The following PKIB variants were observed in gnomAD, a reference collection of about 807,000 sequenced individuals.
The protein encoded by PKIB is PKI-beta.
In PKIB, 2 loss-of-function variants were observed where a neutral mutation model predicts 4.5. That is an observed-to-expected ratio of 0.44 (90% CI 0.18 to 1.39). PKIB has a LOEUF of 1.39. Among genes scored for constraint, PKIB ranks in the 40% most tolerant of loss-of-function variants. PKIB has a pLI of 0.27. For synonymous variants in PKIB, 38 were observed against 36.0 expected (o/e 1.06, Z -0.20); for missense variants, 94 against 92.6 (o/e 1.02, Z -0.06).
chr6:122,627,279 A>G (rs903871132), intron 1 of PKIB, among the ~76,000 whole-genome samples: 2 of 151,812 alleles, frequency 1.3e-5, no homozygotes, highest in Non-Finnish European at 2.9e-5. Context: ...ATCTCACCAA[A>G]TTTTAACTCC....
At chr6:122,620,326 CGT>C (rs919058377) in intron 1 of PKIB, among the ~76,000 whole-genome samples, 4 of 152,086 alleles carry the variant, frequency 2.6e-5, no homozygotes, top group Non-Finnish European at 5.9e-5. Context: ...ACCATGTGGT[CGT>C]GTGTGTTTTT....
At chr6:122,621,104 A>G (rs189723340) in intron 1 of PKIB, among the ~76,000 whole-genome samples, 39 of 152,266 alleles carry the variant, frequency 2.6e-4, no homozygotes, top group Non-Finnish European at 4.4e-4. Context: ...TTACCCTACA[A>G]TGACTCATCA....
chr6:122,603,586 C>G (rs975778173), intron 3 of PKIB, among the ~76,000 whole-genome samples: 7 of 152,164 alleles, frequency 4.6e-5, no homozygotes, highest in African/African-American at 9.7e-5. Flanking sequence ...TCAAGCGATT[C>G]TCCTGCCTCA....
intron 2 of PKIB, among the ~76,000 whole-genome samples, chr6:122,500,917 A>G (rs1217607268): frequency 6.6e-6 from 1 of 152,164 alleles, no homozygotes; most frequent in Non-Finnish European, 1.5e-5. Context: ...AGCACTACAT[A>G]CTTTTAAACA....
intron 2 of PKIB, among the ~76,000 whole-genome samples, chr6:122,531,597 G>C (rs1777261852): frequency 6.6e-6 from 1 of 152,018 alleles, no homozygotes; most frequent in Non-Finnish European, 1.5e-5. Context: ...TTCCTATGCT[G>C]CCTTCTCCTG....
At chr6:122,495,003 CA>C (rs1019501842) in intron 2 of PKIB, among the ~76,000 whole-genome samples, 4 of 152,184 alleles carry the variant, frequency 2.6e-5, no homozygotes, top group African/African-American at 7.2e-5. Flanking sequence ...CCCTTGGTGT[CA>C]ACAGTTATAG....
In PKIB at chr6:122,662,096, T is replaced by C. The variant is rs553105235; in HGVS notation, c.-75-12982T>C. 1.7e-4 allele frequency among the ~76,000 whole-genome samples: 26 copies of C among 152,198 alleles called. No individual in the cohort carries two copies. In the South Asian group the frequency reaches 5.4e-3, roughly 32 times the overall value. ...GTTCTATATATACTTAACTTACAAA[T>C]CTCTTATCAGACATATGATTGGCAA... On this transcript the variant is annotated intron_variant, in intron 2 of 4. Coordinates refer to ENST00000368452, the MANE Select transcript of PKIB (RefSeq NM_181795.3).
intron 1 of PKIB, among the ~76,000 whole-genome samples, chr6:122,629,922 T>A (rs1219727649): frequency 6.6e-6 from 1 of 152,152 alleles, no homozygotes; most frequent in East Asian, 1.9e-4. Context: ...TGAAATACCG[T>A]AAGGGCGTCA....
intron 3 of PKIB, among the ~76,000 whole-genome samples, chr6:122,698,918 G>A (rs1350451707): frequency 6.6e-6 from 1 of 152,134 alleles, no homozygotes; most frequent in African/African-American, 2.4e-5. Context: ...TAACTTTCAG[G>A]AATTTAACAG....
chr6:122,600,770 G>A (rs1260841750), intron 3 of PKIB, among the ~76,000 whole-genome samples: 7 of 151,864 alleles, frequency 4.6e-5, no homozygotes, highest in Non-Finnish European at 1.0e-4. Flanking sequence ...CATGATGTCT[G>A]GAATCTAATA....
intron 1 of PKIB, among the ~76,000 whole-genome samples, chr6:122,611,842 A>AGT (rs961520996): frequency 6.6e-6 from 1 of 152,212 alleles, no homozygotes; most frequent in Admixed American, 6.5e-5. Context: ...GTTTCCTGTT[A>AGT]GTGTGCCGGG....
intron 2 of PKIB, among the ~76,000 whole-genome samples, chr6:122,585,731 T>C (rs998853609): frequency 1.3e-5 from 2 of 152,154 alleles, no homozygotes; most frequent in Admixed American, 6.6e-5. Context: ...GTTCTTTCCA[T>C]GCCACTATCC....
rs117767725 is a variant in PKIB at position 122,508,724 on chromosome 6, A to C, written c.-248+30785A>C. On this transcript the variant is annotated intron_variant, in intron 2 of 6. Coordinates refer to the PKIB transcript ENST00000392491. ...TGAGTAGCTTGTACAACATAAGTTG[A>C]ATTTGAAACAATATTAACTGGCTGA... 1.0e-3 allele frequency among the ~76,000 whole-genome samples: 154 copies of C among 152,224 alleles called. 4 individuals carry two copies. The East Asian group carries it at 0.027, about 27-fold the overall frequency.
chr6:122,555,009 A>G (rs377442076), intron 2 of PKIB, among the ~76,000 whole-genome samples: 1 of 152,170 alleles, frequency 6.6e-6, no homozygotes, highest in East Asian at 1.9e-4. Context: ...ACATTCATCA[A>G]TTTATTTCTA....
chr6:122,639,260 A>T (rs1776038967), intron 2 of PKIB, among the ~76,000 whole-genome samples: 1 of 152,254 alleles, frequency 6.6e-6, no homozygotes, highest in Non-Finnish European at 1.5e-5. Flanking sequence ...AAACAAAACA[A>T]AACAACCAAC....
At chr6:122,698,580 G>A (rs961306260) in intron 3 of PKIB, among the ~76,000 whole-genome samples, 1 of 152,138 alleles carries the variant, frequency 6.6e-6, no homozygotes, top group Non-Finnish European at 1.5e-5. Context: ...AAGCCCATGA[G>A]CAACTTATGA....
chr6:122,585,187 A>G (rs6905452), intron 2 of PKIB, among the ~76,000 whole-genome samples: 93,367 of 151,902 alleles, frequency 0.61, 29,227 homozygotes, highest in East Asian at 0.68. Context: ...ATAAAAGTTG[A>G]TGTCTAACAC....
chr6:122,606,152 A>G (rs1190424412), upstream of PKIB, among the ~76,000 whole-genome samples: 1 of 152,244 alleles, frequency 6.6e-6, no homozygotes, highest in East Asian at 1.9e-4. Context: ...AAATGTCCTT[A>G]TAAGAAGAGG....
chr6:122,709,289 C>A (rs1779182751), intron 3 of PKIB, among the ~76,000 whole-genome samples: 1 of 152,094 alleles, frequency 6.6e-6, no homozygotes, highest in Non-Finnish European at 1.5e-5. Context: ...TCCATATAGA[C>A]CGTGTAACAA....
Sources: gnomAD v4.1 joint callset for allele counts (sites outside exome capture counted in the v4.1 genomes callset) on GRCh38, gnomAD v4.1.1 for gene constraint, MANE v1.5 for transcripts, NCBI Gene and HGNC (gene_info 2026-07-23, HGNC 2026-07-21) for gene names.